The following CTNNA2 variants were observed in gnomAD, a reference collection of about 807,000 sequenced individuals.
The protein encoded by CTNNA2 is catenin alpha-2.
CTNNA2 carries 42 observed loss-of-function variants against 101.0 expected under a neutral mutation model. That is an observed-to-expected ratio of 0.42 (90% CI 0.32 to 0.54). The LOEUF is 0.54. Among genes scored for constraint, CTNNA2 ranks in the 20% least tolerant of loss-of-function variants. The pLI, the probability that CTNNA2 is intolerant of heterozygous loss-of-function variation, is 0.14. For synonymous variants in CTNNA2, 450 were observed against 456.4 expected (o/e 0.99, Z 0.18); for missense variants, 871 against 1,223.1 (o/e 0.71, Z 4.29).
intron 1 of CTNNA2, among the ~76,000 whole-genome samples, chr2:79,594,358 C>T (rs183846714): frequency 1.3e-5 from 2 of 152,292 alleles, no homozygotes; most frequent in Admixed American, 6.5e-5. Context: ...CAAGCCTTTG[C>T]TCTGCAAGCT....
chr2:80,205,774 C>T (rs1707496329), intron 7 of CTNNA2, among the ~76,000 whole-genome samples: 1 of 152,134 alleles, frequency 6.6e-6, no homozygotes, highest in Admixed American at 6.5e-5. Context: ...TAGAAGGTGA[C>T]TGCGATTGTT....
At position 80,162,803 on chromosome 2, in the gene CTNNA2, G is replaced by A. The variant is rs1033682624; in HGVS notation, c.1057-230408G>A. ...CATATGACATTTGTCTCAAAGCACTGTTCATCACTGCTTGTCTCTGAAAAT... is the reference window on the plus strand; with the variant it reads ...CATATGACATTTGTCTCAAAGCACTATTCATCACTGCTTGTCTCTGAAAAT... On this transcript the variant is annotated intron_variant, in intron 7 of 18. Transcript: ENST00000402739. 3 of 1,589,236 alleles carry A rather than the reference G, an allele frequency of 1.9e-6. No individual in the cohort carries two copies. The African/African-American group carries it at 4.0e-5, about 21-fold the overall frequency.
intron 1 of CTNNA2, among the ~76,000 whole-genome samples, chr2:79,609,924 T>C (rs1234227877): frequency 6.6e-6 from 1 of 152,092 alleles, no homozygotes; most frequent in Admixed American, 6.6e-5. Context: ...AATCAATAAA[T>C]TGAGCTTCAT....
chr2:80,334,750 T>G (rs971187505), intron 7 of CTNNA2, among the ~76,000 whole-genome samples: 1 of 152,212 alleles, frequency 6.6e-6, no homozygotes, highest in Non-Finnish European at 1.5e-5. Flanking sequence ...TTCTAATAAT[T>G]ATAATTGAAT....
intron 4 of CTNNA2, among the ~76,000 whole-genome samples, chr2:79,503,987 T>C (rs1441480629): frequency 6.6e-6 from 1 of 152,142 alleles, no homozygotes; most frequent in African/African-American, 2.4e-5. Context: ...CCTGAAGCGC[T>C]CTAAAGTTCA....
intron 7 of CTNNA2, among the ~76,000 whole-genome samples, chr2:80,324,963 G>A (rs1679100333): frequency 1.3e-5 from 2 of 152,056 alleles, no homozygotes; most frequent in South Asian, 4.2e-4. Flanking sequence ...CTGCTTTCAT[G>A]TTCTGCCATG....
chr2:80,167,691 A>G (rs544199513), intron 7 of CTNNA2, among the ~76,000 whole-genome samples: 2 of 152,306 alleles, frequency 1.3e-5, no homozygotes, highest in South Asian at 4.1e-4. Flanking sequence ...CTACAGTCAG[A>G]TATTCTTCTC....
At chr2:80,032,011 C>T (rs1695324136) in intron 7 of CTNNA2, among the ~76,000 whole-genome samples, 1 of 152,146 alleles carries the variant, frequency 6.6e-6, no homozygotes, top group South Asian at 2.1e-4. Context: ...CAGCATTTTT[C>T]TTCTTCTCCT....
At chr2:80,622,346 T>A (rs560076864) in intron 18 of CTNNA2, among the ~76,000 whole-genome samples, 1 of 152,060 alleles carries the variant, frequency 6.6e-6, no homozygotes, top group East Asian at 1.9e-4. Context: ...GGAGATATTC[T>A]GGTATTGTGA....
At chr2:80,388,206 T>G (rs1677192310) in intron 7 of CTNNA2, among the ~76,000 whole-genome samples, 1 of 152,068 alleles carries the variant, frequency 6.6e-6, no homozygotes, top group Non-Finnish European at 1.5e-5. Flanking sequence ...AGTCTGGAGG[T>G]GCTGGTCAGA....
At chr2:80,064,356 G>A (rs1376746341) in intron 7 of CTNNA2, among the ~76,000 whole-genome samples, 1 of 152,236 alleles carries the variant, frequency 6.6e-6, no homozygotes, top group Non-Finnish European at 1.5e-5. Context: ...GATTCTGTTA[G>A]AGGTGGTCTG....
At chr2:79,426,654 T>C (rs534504151) in intron 4 of CTNNA2, among the ~76,000 whole-genome samples, 149 of 152,300 alleles carry the variant, frequency 9.8e-4, no homozygotes, top group African/African-American at 3.0e-3. Flanking sequence ...TGCCAGCTTA[T>C]GGATCTTTGC....
intron 9 of CTNNA2, among the ~76,000 whole-genome samples, chr2:80,486,671 T>C (rs1041835249): frequency 6.6e-6 from 1 of 152,184 alleles, no homozygotes; most frequent in Non-Finnish European, 1.5e-5. Context: ...GAATCAGTTT[T>C]TTCATGAGCT....
chr2:79,469,098 G>T (rs202058818), intron 4 of CTNNA2, among the ~76,000 whole-genome samples: 103,226 of 150,752 alleles, frequency 0.68, 35,973 homozygotes, highest in African/African-American at 0.83. Flanking sequence ...GAGCTGGTTT[G>T]TTGAAAAGAT....
At chr2:79,743,122 A>C (rs1671406453) in intron 2 of CTNNA2, among the ~76,000 whole-genome samples, 1 of 152,188 alleles carries the variant, frequency 6.6e-6, no homozygotes, top group Non-Finnish European at 1.5e-5. Context: ...TCTGCTAACC[A>C]GGATAAATAT....
intron 3 of CTNNA2, among the ~76,000 whole-genome samples, chr2:79,841,530 G>A (rs1679813152): frequency 6.6e-6 from 1 of 152,176 alleles, no homozygotes; most frequent in East Asian, 1.9e-4. Flanking sequence ...GTCATGGGAT[G>A]AAATATTAGT....
At chr2:80,589,064 G>A (rs548978190) in intron 14 of CTNNA2, among the ~76,000 whole-genome samples, 2 of 152,186 alleles carry the variant, frequency 1.3e-5, no homozygotes, top group South Asian at 2.1e-4. Flanking sequence ...TTGCCAGTGC[G>A]CACGTAGCTT....
At chr2:80,170,116 T>G (rs975760896) in intron 7 of CTNNA2, among the ~76,000 whole-genome samples, 2 of 152,188 alleles carry the variant, frequency 1.3e-5, no homozygotes, top group Non-Finnish European at 2.9e-5. Context: ...ATTTACATTT[T>G]CTGGACTAAA....
chr2:79,451,220 T>C (rs1670745567), intron 4 of CTNNA2, among the ~76,000 whole-genome samples: 1 of 152,138 alleles, frequency 6.6e-6, no homozygotes, highest in Non-Finnish European at 1.5e-5. Context: ...TGAATGATAA[T>C]TTTTTCAAGT....
Sources: allele counts gnomAD v4.1 joint callset (sites outside exome capture counted in the v4.1 genomes callset), GRCh38; gene constraint gnomAD v4.1.1; transcripts MANE v1.5; gene names NCBI Gene and HGNC (gene_info 2026-07-23, HGNC 2026-07-21).